Variants in TAF4B observed in about 807,000 individuals in gnomAD.
TAF4B encodes the protein transcription initiation factor TFIID subunit 4B.
In TAF4B, 38 loss-of-function variants were observed where a neutral mutation model predicts 86.4. That is an observed-to-expected ratio of 0.44 (90% CI 0.34 to 0.58). TAF4B has a LOEUF of 0.58. TAF4B is among the 20% of genes least tolerant of loss of function. The pLI, the probability that TAF4B is intolerant of heterozygous loss-of-function variation, is 0.02. For missense variants in TAF4B, 988 were observed against 1,027.6 expected, an observed-to-expected ratio of 0.96 and a Z score of 0.53; for synonymous variants, 388 against 391.2, an observed-to-expected ratio of 0.99 and a Z score of 0.10.
intron 1 of TAF4B, among the ~76,000 whole-genome samples, chr18:26,252,260 T>G (rs969094566): frequency 1.3e-5 from 2 of 152,228 alleles, no homozygotes; most frequent in African/African-American, 2.4e-5. Flanking sequence ...TATATTATTC[T>G]TTTTGGTGCT....
chr18:26,275,033 A>C lies in TAF4B; in HGVS notation c.862A>C (p.Lys288Gln). The C allele has an allele frequency of 6.2e-7, 1 of 1,610,548 alleles. No homozygotes were observed. The highest frequency in any genetic ancestry group is 1.1e-5 in the South Asian group (1 of 90,412). ...QSPEMGQNVK[K>Q]LVEQLLDAKI... ...CCCAGAAATGGGGCAAAATGTGAAGAAGCTGGTGGAACAACTTTTGGTAAG... is the reference window on the plus strand; with the variant it reads ...CCCAGAAATGGGGCAAAATGTGAAGCAGCTGGTGGAACAACTTTTGGTAAG... Residue 288 changes from lysine to glutamine, a missense_variant, in exon 5 of 15, where the codon AAG (lysine) becomes CAG (glutamine). This residue lies in a region of TAF4B where 747 missense variants were observed against 737.9 expected (regional missense o/e 1.01). Transcript: ENST00000269142.
At position 26,263,005 on chromosome 18, in the gene TAF4B, C is replaced by G. The variant is rs376134638; in HGVS notation, c.344-2165C>G. Among the ~76,000 whole-genome samples, 87 of 152,192 alleles carry G rather than the reference C, an allele frequency of 5.7e-4. 1 individual carries two copies. In the South Asian group the frequency reaches 0.015, roughly 26 times the overall value. On this transcript the variant is annotated intron_variant, in intron 1 of 14. Coordinates refer to ENST00000269142, the MANE Select transcript of TAF4B (RefSeq NM_005640.3). ...GTGCTCTGTCACCTAGGCGGAAGTGCAGTGGCACCATCATAGCTCACTACA... is the reference window on the plus strand; with the variant it reads ...GTGCTCTGTCACCTAGGCGGAAGTGGAGTGGCACCATCATAGCTCACTACA...
intron 3 of TAF4B, among the ~76,000 whole-genome samples, chr18:26,273,578 A>G (rs2056347062): frequency 6.6e-6 from 1 of 152,184 alleles, no homozygotes; most frequent in Non-Finnish European, 1.5e-5. Context: ...ATTTTTTTCT[A>G]GAGACAGGGT....
At chr18:26,369,004 T>G (rs1435820599) in intron 14 of TAF4B, among the ~76,000 whole-genome samples, 3 of 152,148 alleles carry the variant, frequency 2.0e-5, no homozygotes, top group African/African-American at 7.2e-5. Context: ...CAGTAGAATT[T>G]GAGAGTTGAT....
intron 14 of TAF4B, among the ~76,000 whole-genome samples, chr18:26,361,495 C>T (rs1180261150): frequency 6.6e-6 from 1 of 151,548 alleles, no homozygotes; most frequent in Non-Finnish European, 1.5e-5. Context: ...CCTGTAATCC[C>T]AGCACATTGG....
At chr18:26,321,258 C>T (rs1037248687) in intron 11 of TAF4B, 58 bp downstream of exon 11, 41 of 1,573,064 alleles carry the variant, frequency 2.6e-5, no homozygotes, top group African/African-American at 2.7e-5. Flanking sequence ...GTCTTTTGGG[C>T]GTGGATTGAT....
chr18:26,375,923 G>A (rs1490204178), intron 14 of TAF4B, among the ~76,000 whole-genome samples: 2 of 151,948 alleles, frequency 1.3e-5, no homozygotes, highest in Admixed American at 1.3e-4. Flanking sequence ...TTTTGCGTGT[G>A]GCTATCCAGT....
intron 7 of TAF4B, among the ~76,000 whole-genome samples, 173 bp downstream of exon 7, chr18:26,286,672 C>A (rs1176436105): frequency 2.0e-5 from 3 of 151,664 alleles, no homozygotes; most frequent in African/African-American, 7.3e-5. Context: ...CTACTCACAC[C>A]CACAAACACA....
intron 12 of TAF4B, among the ~76,000 whole-genome samples, chr18:26,327,344 G>A (rs2057012389): frequency 6.6e-6 from 1 of 152,130 alleles, no homozygotes; most frequent in Non-Finnish European, 1.5e-5. Context: ...ATAATCTTTT[G>A]TCTTCTCACA....
At chr18:26,363,104 C>T (rs1394830367) in intron 14 of TAF4B, among the ~76,000 whole-genome samples, 1 of 151,744 alleles carries the variant, frequency 6.6e-6, no homozygotes, top group African/African-American at 2.4e-5. Flanking sequence ...GTGCCAGTCC[C>T]CCGAGGATAC....
At chr18:26,332,427 T>C (rs965130965) in intron 12 of TAF4B, among the ~76,000 whole-genome samples, 1 of 152,218 alleles carries the variant, frequency 6.6e-6, no homozygotes, top group Admixed American at 6.5e-5. Flanking sequence ...CAGTGCACCC[T>C]CTACAGAGTG....
At chr18:26,381,725 C>CTAAA (rs59018457) in intron 14 of TAF4B, among the ~76,000 whole-genome samples, 13,395 of 144,028 alleles carry the variant, frequency 0.093, 689 homozygotes, top group East Asian at 0.14. Flanking sequence ...AACTCCGCCT[C>CTAAA]TAAATAAATA....
At chr18:26,350,534 G>A (rs1275299332) in intron 13 of TAF4B, among the ~76,000 whole-genome samples, 1 of 152,194 alleles carries the variant, frequency 6.6e-6, no homozygotes, top group African/African-American at 2.4e-5. Context: ...AGGTTAGCCA[G>A]GTATGGTGGC....
rs1361626679 is a variant in TAF4B at position 26,252,494 on chromosome 18, T to C, written c.344-12676T>C. Among the ~76,000 whole-genome samples the C allele has an allele frequency of 2.0e-5, 3 of 152,302 alleles. No individual in the cohort carries two copies. The East Asian group carries it at 5.8e-4, about 29-fold the overall frequency. ...CATGGTCAACTGCCTCCAAAAATAT[T>C]AAGTGGAAAATTCCAGAAATAAACA... On this transcript the variant is annotated intron_variant, in intron 1 of 14. Coordinates refer to ENST00000269142, the MANE Select transcript of TAF4B (RefSeq NM_005640.3).
chr18:26,251,538 G>A (rs2056006505), intron 1 of TAF4B, among the ~76,000 whole-genome samples: 1 of 152,148 alleles, frequency 6.6e-6, no homozygotes, highest in Admixed American at 6.6e-5. Flanking sequence ...CAAGTAGAGA[G>A]TGGACACTGG....
intron 14 of TAF4B, among the ~76,000 whole-genome samples, chr18:26,362,601 A>T (rs2057340314): frequency 6.6e-6 from 1 of 152,244 alleles, no homozygotes; most frequent in South Asian, 2.1e-4. Context: ...AAACAATGAT[A>T]AAAACCATTA....
chr18:26,349,950 A>G lies in TAF4B; in HGVS notation c.2317-7740A>G, dbSNP rs186012116. Among the ~76,000 whole-genome samples the G allele has an allele frequency of 1.5e-4, 23 of 152,344 alleles. No homozygotes were observed. In the East Asian group the frequency reaches 4.2e-3, roughly 28 times the overall value. On this transcript the variant is annotated intron_variant, in intron 13 of 14. Transcript: ENST00000269142. Reference sequence around the variant, plus strand: ...ATTTTTTGACAAAGGTGCCAGGAACATATACCAGGGAAAGCATGTTCTCCT... The same window carrying G: ...ATTTTTTGACAAAGGTGCCAGGAACGTATACCAGGGAAAGCATGTTCTCCT...
Position 26,273,477 on chromosome 18 carries a change from C to T in TAF4B, c.598-1186C>T, listed in dbSNP as rs1824761. Among the ~76,000 whole-genome samples the T allele has an allele frequency of 3.5e-3, 535 of 151,910 alleles. 2 individuals are homozygous for T. In the East Asian group the frequency reaches 0.038, roughly 11 times the overall value. On this transcript the variant is annotated intron_variant, in intron 3 of 14. Transcript: ENST00000269142. ...AATAGTAAAATGAAGGCCCATATAC[C>T]CCAAACCCATGTTAGGGCCACCATG...
At chr18:26,363,704 C>A (rs2057348411) in intron 14 of TAF4B, among the ~76,000 whole-genome samples, 1 of 152,150 alleles carries the variant, frequency 6.6e-6, no homozygotes, top group Non-Finnish European at 1.5e-5. Flanking sequence ...TGTATGAAAC[C>A]ATTTTTACTT....
Sources: gnomAD v4.1 joint callset for allele counts (sites outside exome capture counted in the v4.1 genomes callset) on GRCh38, gnomAD v4.1.1 for gene constraint, gnomAD v4.1.1 regional missense constraint, MANE v1.5 for transcripts, NCBI Gene and HGNC (gene_info 2026-07-23, HGNC 2026-07-21) for gene names.